Variants in ITGAM observed in about 807,000 individuals in gnomAD.
The protein encoded by ITGAM is integrin subunit alpha M.
In ITGAM, 79 loss-of-function variants were observed where a neutral mutation model predicts 137.5. The observed-to-expected ratio is 0.57, with a 90% CI of 0.48 to 0.69. ITGAM has a LOEUF of 0.69. Ranked by LOEUF, ITGAM falls within the 30% of genes least tolerant of loss-of-function variation. The probability of loss-of-function intolerance (pLI) is 0.00; values close to 1 mark genes in which losing one functional copy is unlikely to be tolerated. For missense variants in ITGAM, 1,343 were observed against 1,483.5 expected (o/e 0.91, Z 1.56); for synonymous variants, 583 against 592.3 (o/e 0.98, Z 0.23).
chr16:31,302,236 C>T (rs191043169), intron 14 of ITGAM, among the ~76,000 whole-genome samples: 6 of 152,252 alleles, frequency 3.9e-5, no homozygotes, highest in South Asian at 2.1e-4. Context: ...TAGCAGGCAT[C>T]GGGCTCTGTG....
In ITGAM at chr16:31,278,041, G is replaced by A. The variant is rs2079928861; in HGVS notation, c.1288G>A (p.Gly430Ser). 3.1e-6 allele frequency: 5 copies of A among 1,607,844 alleles called. No homozygotes were observed. Among genetic ancestry groups the A allele is most frequent in the Non-Finnish European group, 3.4e-6 (4 of 1,177,264 alleles). Reference sequence around the variant, plus strand: ...GGGGGCACCTCGATATCAGCACATCGGCCTGGTAGCGATGTTCAGGCAGAA... The same window carrying A: ...GGGGGCACCTCGATATCAGCACATCAGCCTGGTAGCGATGTTCAGGCAGAA... ...VLGAPRYQHI[G>S]LVAMFRQNTG... The change falls in exon 12 of 30, where the codon GGC becomes AGC. Residue 430 changes from glycine (G) to serine (S), a missense_variant. Coordinates refer to ENST00000544665, the MANE Select transcript of ITGAM (RefSeq NM_000632.4).
chr16:31,266,181 A>T (rs776156615), intron 5 of ITGAM, 34 bp downstream of exon 5: 2 of 1,452,186 alleles, frequency 1.4e-6, no homozygotes, highest in Non-Finnish European at 1.9e-6. Flanking sequence ...ACAGATGCGC[A>T]GCAAAAGACC....
Position 31,290,080 on chromosome 16 carries a change from CAAAAA to C in ITGAM, c.1357-7417_1357-7413del, listed in dbSNP as rs780127045. ...TGGGCAACAAGTGTGAAACTCCATC[CAAAAA>C]AAAAAAAAAAAAAAAAGAAATACAA... On this transcript the variant is annotated intron_variant, in intron 12 of 29. Coordinates refer to ENST00000544665, the MANE Select transcript of ITGAM (RefSeq NM_000632.4). Among the ~76,000 whole-genome samples, 6 of 56,124 alleles carry C rather than the reference CAAAAA, an allele frequency of 1.1e-4. No individual in the cohort carries two copies. In the South Asian group the frequency reaches 3.7e-3, roughly 34 times the overall value. 36.8% of individuals were successfully genotyped at this position (56,124 alleles called of 152,430 possible).
Position 31,266,075 on chromosome 16 carries a change from G to GT in ITGAM, c.356dup (p.Lys120GlufsTer30). The GT allele has an allele frequency of 6.2e-7, 1 of 1,613,958 alleles. No individual in the cohort carries two copies. The highest frequency in any genetic ancestry group is 8.5e-7 in the Non-Finnish European group (1 of 1,179,902). On this transcript the variant is annotated frameshift_variant, in exon 5 of 30. Transcript: ENST00000544665. LOFTEE classifies it high-confidence loss of function. ...CCAGACTTGCAGTGAGAACACGTAT[G>GT]TGAAAGGGCTCTGCTTCCTGTTTGG...
At chr16:31,276,807 A>G (rs1332003664) in intron 10 of ITGAM, 63 bp downstream of exon 10, 1 of 1,485,560 alleles carries the variant, frequency 6.7e-7, no homozygotes, top group African/African-American at 1.4e-5. Context: ...GATAGGAGAG[A>G]TGTGGGGGTT....
chr16:31,331,660 A>G lies in ITGAM; in HGVS notation c.3412A>G (p.Lys1138Glu), dbSNP rs1299712035. Reference protein sequence around the residue: ...YKLGFFKRQYKDMMSEGGPPG... With the variant: ...YKLGFFKRQYEDMMSEGGPPG... ...GCTCGGCTTCTTCAAGCGGCAATACAAGGACATGATGAGTGAAGGGGGTCC... is the reference window on the plus strand; with the variant it reads ...GCTCGGCTTCTTCAAGCGGCAATACGAGGACATGATGAGTGAAGGGGGTCC... Residue 1138 changes from lysine (K) to glutamate (E), a missense_variant, in exon 30 of 30, where the codon AAG becomes GAG. By Grantham distance (56) the Lys-to-Glu change is moderately conservative. Coordinates refer to ENST00000544665, the MANE Select transcript of ITGAM (RefSeq NM_000632.4). The G allele has an allele frequency of 1.2e-6, 2 of 1,609,356 alleles. No homozygotes were observed. Among genetic ancestry groups the G allele is most frequent in the Non-Finnish European group, 1.7e-6 (2 of 1,178,418 alleles).
intron 5 of ITGAM, among the ~76,000 whole-genome samples, chr16:31,270,157 C>G (rs1204345809): frequency 7.1e-4 from 54 of 75,590 alleles, no homozygotes; most frequent in African/African-American, 2.9e-3. Context: ...CCTTTCCTTT[C>G]CTTTCCTTTC....
Position 31,324,753 on chromosome 16 carries a change from G to A in ITGAM, c.2260G>A (p.Glu754Lys). ...CGGGAACCTCCGGCCAGTGCTGGCG[G>A]AGGATGCTCAGAGACTCTTCACAGC... ...AFGNLRPVLA[E>K]DAQRLFTALF... is the part of the protein sequence containing the mutation. The change falls in exon 18 of 30, where the codon GAG (glutamate) becomes AAG (lysine). Residue 754 changes from glutamate to lysine, a missense_variant. Physicochemically the swap from Glu to Lys is moderately conservative, Grantham distance 56. Transcript: ENST00000544665. This position sits in a 1 kb window ranked among gnomAD's most constrained non-coding sequence, Gnocchi z 4.5. 1 of 1,579,924 alleles carries A rather than the reference G, an allele frequency of 6.3e-7. No individual in the cohort carries two copies. The highest frequency in any genetic ancestry group is 8.6e-7 in the Non-Finnish European group (1 of 1,164,806).
intron 16 of ITGAM, among the ~76,000 whole-genome samples, chr16:31,323,131 T>G (rs997960918): frequency 1.6e-4 from 24 of 151,772 alleles, no homozygotes; most frequent in African/African-American, 5.1e-4. Flanking sequence ...ATGCAGTAGT[T>G]AAAGAATTTC....
chr16:31,262,593 C>T (rs759697542), intron 2 of ITGAM, among the ~76,000 whole-genome samples: 55 of 151,758 alleles, frequency 3.6e-4, no homozygotes, highest in Admixed American at 9.2e-4. Context: ...TTTGTATAGA[C>T]GAGGTCTCAC....
At chr16:31,295,570 AG>A (rs2080124891) in intron 12 of ITGAM, among the ~76,000 whole-genome samples, 1 of 151,264 alleles carries the variant, frequency 6.6e-6, no homozygotes, top group South Asian at 2.1e-4. Flanking sequence ...TTTATTCATT[AG>A]TTCTAGTAGT....
At chr16:31,292,236 T>TA (rs1325481899) in intron 12 of ITGAM, among the ~76,000 whole-genome samples, 5 of 152,076 alleles carry the variant, frequency 3.3e-5, no homozygotes, top group African/African-American at 4.8e-5. Context: ...TTATTTAATT[T>TA]AAAAAAATTA....
At chr16:31,318,890 C>T (rs2080419659) in intron 14 of ITGAM, among the ~76,000 whole-genome samples, 1 of 151,972 alleles carries the variant, frequency 6.6e-6, no homozygotes, top group Admixed American at 6.6e-5. Context: ...TTGCTGCCTC[C>T]CATTAAGTTT....
chr16:31,313,370 C>G (rs185793569), intron 14 of ITGAM, among the ~76,000 whole-genome samples: 4 of 152,186 alleles, frequency 2.6e-5, no homozygotes, highest in Admixed American at 6.5e-5. Flanking sequence ...TCCTAATGCT[C>G]TCCCTCCCCC....
At chr16:31,331,410 C>A (rs2144512796) in intron 29 of ITGAM, 135 bp downstream of exon 29, 2 of 689,900 alleles carry the variant, frequency 2.9e-6, no homozygotes, top group Admixed American at 2.4e-5. Context: ...GCGCCTCAGT[C>A]TCTTAGGGAG....
intron 12 of ITGAM, among the ~76,000 whole-genome samples, chr16:31,283,984 G>A (rs944268571): frequency 3.3e-5 from 5 of 152,168 alleles, no homozygotes; most frequent in Admixed American, 1.3e-4. Context: ...GGAGTTTGCC[G>A]GAGTTCCACT....
intron 14 of ITGAM, among the ~76,000 whole-genome samples, chr16:31,302,439 CT>C (rs1292654105): frequency 4.3e-5 from 4 of 92,324 alleles, no homozygotes; most frequent in African/African-American, 2.5e-4. Context: ...TTCTTTCTTT[CT>C]TTCTTTCTTT....
intron 12 of ITGAM, among the ~76,000 whole-genome samples, chr16:31,288,828 A>T (rs1319790754): frequency 1.3e-5 from 2 of 152,340 alleles, no homozygotes; most frequent in South Asian, 4.1e-4. Context: ...GGCAACCTAC[A>T]GAATGGGAGA....
At chr16:31,266,791 T>A (rs1037627498) in intron 5 of ITGAM, among the ~76,000 whole-genome samples, 1 of 151,818 alleles carries the variant, frequency 6.6e-6, no homozygotes, top group African/African-American at 2.4e-5. Flanking sequence ...TTGGGGACCA[T>A]CCTGGGGGGC....
Sources: gnomAD v4.1 joint callset for allele counts (sites outside exome capture counted in the v4.1 genomes callset) on GRCh38, gnomAD v4.1.1 for gene constraint, Gnocchi (gnomAD v3.1) non-coding constraint, MANE v1.5 for transcripts, NCBI Gene and HGNC (gene_info 2026-07-23, HGNC 2026-07-21) for gene names.